MAP4K5: variants seen among roughly 807,000 people sequenced by gnomAD.
The protein encoded by MAP4K5 is mitogen-activated protein kinase kinase kinase kinase 5.
MAP4K5 carries 82 observed loss-of-function variants against 135.6 expected under a neutral mutation model. That is an observed-to-expected ratio of 0.60 (90% CI 0.51 to 0.73). MAP4K5 has a LOEUF of 0.73. Among genes scored for constraint, MAP4K5 ranks in the 30% least tolerant of loss-of-function variants. MAP4K5 has a pLI of 0.00. For missense variants in MAP4K5, 907 were observed against 1,010.9 expected, an observed-to-expected ratio of 0.90 and a Z score of 1.39; for synonymous variants, 347 against 335.0, an observed-to-expected ratio of 1.04 and a Z score of -0.39.
At chr14:50,505,181 A>G (rs542832987) in intron 2 of MAP4K5, 1 of 204,910 alleles carries the variant, frequency 4.9e-6, no homozygotes, top group African/African-American at 2.3e-5. Context: ...TTTTATTTAT[A>G]TCAGAAAACA....
intron 8 of MAP4K5, among the ~76,000 whole-genome samples, chr14:50,475,564 T>C (rs1473777701): frequency 6.6e-6 from 1 of 152,180 alleles, no homozygotes; most frequent in Admixed American, 6.5e-5. Context: ...TTAAGTGTTG[T>C]AGTTAAACAT....
intron 32 of MAP4K5, among the ~76,000 whole-genome samples, chr14:50,421,294 T>C (rs1294117571): frequency 1.3e-5 from 2 of 152,250 alleles, no homozygotes; most frequent in African/African-American, 2.4e-5. Flanking sequence ...GTTTTGCTCT[T>C]GTCGCCCAGG....
chr14:50,513,600 A>C (rs76892713), intron 2 of MAP4K5, among the ~76,000 whole-genome samples: 3 of 132,488 alleles, frequency 2.3e-5, no homozygotes, highest in Admixed American at 7.6e-5. Flanking sequence ...AAAAAAAAAA[A>C]CCAGCAAGTA....
At chr14:50,451,335 A>G (rs1021163445) in intron 14 of MAP4K5, among the ~76,000 whole-genome samples, 1 of 152,200 alleles carries the variant, frequency 6.6e-6, no homozygotes, top group Admixed American at 6.5e-5. Flanking sequence ...TGTAGACAAC[A>G]TTCAGTGTTC....
chr14:50,468,377 C>T, intron 10 of MAP4K5: 1 of 328,894 alleles, frequency 3.0e-6, no homozygotes, highest in Non-Finnish European at 5.5e-6. Flanking sequence ...AGCAGCAATA[C>T]AAGACAGGTT....
chr14:50,527,685 G>A (rs1162013039), intron 2 of MAP4K5, among the ~76,000 whole-genome samples: 2 of 152,100 alleles, frequency 1.3e-5, no homozygotes, highest in East Asian at 3.9e-4. Context: ...ACAAAGATGT[G>A]CAAGAGACAT....
intron 28 of MAP4K5, 78 bp downstream of exon 28, chr14:50,434,316 G>T: frequency 9.0e-7 from 1 of 1,113,584 alleles, no homozygotes; most frequent in Non-Finnish European, 1.3e-6. Flanking sequence ...CTGGTGTTTT[G>T]CTTCTTTTAT....
At chr14:50,546,963 T>C (rs1336589592) in intron 1 of MAP4K5, among the ~76,000 whole-genome samples, 1 of 152,090 alleles carries the variant, frequency 6.6e-6, no homozygotes, top group African/African-American at 2.4e-5. Flanking sequence ...CATTAGGTAT[T>C]TCTCCTAATG....
intron 13 of MAP4K5, among the ~76,000 whole-genome samples, chr14:50,457,096 T>C (rs2036608108): frequency 6.6e-6 from 1 of 152,102 alleles, no homozygotes; most frequent in African/African-American, 2.4e-5. Flanking sequence ...CAGGAAATTG[T>C]GGAGTGTTTG....
At position 50,419,563 on chromosome 14, in the gene MAP4K5, T is replaced by C. The variant is rs1459734555; in HGVS notation, c.*456A>G. The C allele has an allele frequency of 6.4e-6, 1 of 155,560 alleles. No homozygotes were observed. Among genetic ancestry groups the C allele is most frequent in the African/African-American group, 2.4e-5 (1 of 41,470 alleles). The allele number at this position is 155,560 out of a possible 1,614,324, so 9.6% of individuals were successfully genotyped here. A position where few individuals can be genotyped will look rare whatever the true frequency, so the allele number is the denominator to read the frequency against. ...ATTAATAAATAAGGATTAAATATTC[T>C]GTTTTACAAAAACATACAGAATGGC... On this transcript the variant is annotated 3_prime_UTR_variant, in exon 33 of 33. Coordinates refer to ENST00000682126, the MANE Select transcript of MAP4K5 (RefSeq NM_006575.6).
In MAP4K5 at chr14:50,419,492, C is replaced by T. The variant is rs994230434; in HGVS notation, c.*527G>A. Reference sequence around the variant, plus strand: ...AAAAAAAATTTAAGCTGCTCTGCAACCCTCCTTTGCTAAAAGTTAGATACA... The same window carrying T: ...AAAAAAAATTTAAGCTGCTCTGCAATCCTCCTTTGCTAAAAGTTAGATACA... On this transcript the variant is annotated 3_prime_UTR_variant, in exon 33 of 33. Coordinates refer to ENST00000682126, the MANE Select transcript of MAP4K5 (RefSeq NM_006575.6). 5.2e-5 allele frequency: 8 copies of T among 152,658 alleles called. No individual in the cohort carries two copies. Among genetic ancestry groups the T allele is most frequent in the African/African-American group, 1.9e-4 (8 of 41,436 alleles). The allele number at this position is 152,658 out of a possible 1,614,324, so 9.5% of individuals were successfully genotyped here.
intron 3 of MAP4K5, among the ~76,000 whole-genome samples, chr14:50,500,394 AAC>A (rs2037683311): frequency 6.6e-6 from 1 of 152,190 alleles, no homozygotes; most frequent in Non-Finnish European, 1.5e-5. Flanking sequence ...GATCTTGAAA[AAC>A]AGTTACCTCA....
At position 50,486,380 on chromosome 14, in the gene MAP4K5, C is replaced by G. The variant is rs972994762; in HGVS notation, c.167-186G>C. 2.6e-5 allele frequency among the ~76,000 whole-genome samples: 4 copies of G among 152,030 alleles called. No individual in the cohort carries two copies. In the East Asian group the frequency reaches 7.7e-4, roughly 29 times the overall value. ...CTTTAAAATATACAGAATCTTTGAACCCACAATTTTACTTACAAATTTTTT... is the reference window on the plus strand; with the variant it reads ...CTTTAAAATATACAGAATCTTTGAAGCCACAATTTTACTTACAAATTTTTT... On this transcript the variant is annotated intron_variant, in intron 3 of 32. Transcript: ENST00000682126.
At chr14:50,543,091 G>C (rs987410524) in intron 1 of MAP4K5, among the ~76,000 whole-genome samples, 1 of 152,230 alleles carries the variant, frequency 6.6e-6, no homozygotes, top group East Asian at 1.9e-4. Context: ...TATACAAGAA[G>C]ATCTGTTCTC....
intron 2 of MAP4K5, among the ~76,000 whole-genome samples, chr14:50,515,641 T>C (rs574980793): frequency 2.8e-4 from 42 of 152,330 alleles, no homozygotes; most frequent in Non-Finnish European, 5.0e-4. Context: ...TGGTCTTACT[T>C]TCAAATCAAC....
At chr14:50,524,837 T>C (rs1219151071) in intron 2 of MAP4K5, among the ~76,000 whole-genome samples, 2 of 152,148 alleles carry the variant, frequency 1.3e-5, no homozygotes, top group Non-Finnish European at 2.9e-5. Context: ...AAAGGAGAAA[T>C]GACACAAAAC....
In MAP4K5 at chr14:50,462,912, T is replaced by C. The variant is rs73286563; in HGVS notation, c.820-131A>G. 9.7e-3 allele frequency: 5,530 copies of C among 571,138 alleles called. 232 individuals are homozygous for C. Among genetic ancestry groups the C allele is most frequent in the African/African-American group, 0.096 (4,864 of 50,580 alleles). The allele number at this position is 571,138 out of a possible 1,614,324, so 35.4% of individuals were successfully genotyped here. On this transcript the variant is annotated intron_variant, in intron 12 of 32. Coordinates refer to ENST00000682126, the MANE Select transcript of MAP4K5 (RefSeq NM_006575.6). ...TGGGAGTCTACTAACACAAATAAACTGTGTTAGTAAAAATATTAATCAGAG... is the reference window on the plus strand; with the variant it reads ...TGGGAGTCTACTAACACAAATAAACCGTGTTAGTAAAAATATTAATCAGAG...
chr14:50,531,938 T>C lies in MAP4K5; in HGVS notation c.108+4A>G. On this transcript the variant is annotated splice_donor_region_variant and intron_variant, in intron 2 of 32. Coordinates refer to ENST00000682126, the MANE Select transcript of MAP4K5 (RefSeq NM_006575.6). ...AGGAAAAAAGCACGGCCAGCCTCAC[T>C]TACCTTATAGACGTCCCCGTAGGTG... 1 of 1,586,920 alleles carries C rather than the reference T, an allele frequency of 6.3e-7. No individual in the cohort carries two copies. The highest frequency in any genetic ancestry group is 1.1e-5 in the South Asian group (1 of 87,360).
chr14:50,425,540 T>C (rs1020631835), intron 31 of MAP4K5, among the ~76,000 whole-genome samples: 1 of 152,174 alleles, frequency 6.6e-6, no homozygotes, highest in Non-Finnish European at 1.5e-5. Context: ...TTATGCTCCA[T>C]TATGTATTAA....
Sources: allele counts gnomAD v4.1 joint callset (sites outside exome capture counted in the v4.1 genomes callset), GRCh38; gene constraint gnomAD v4.1.1; transcripts MANE v1.5; gene names NCBI Gene and HGNC (gene_info 2026-07-23, HGNC 2026-07-21).